The following HTRA3 variants were observed in gnomAD, a reference collection of about 807,000 sequenced individuals.
The protein encoded by HTRA3 is serine protease HTRA3.
HTRA3 carries 41 observed loss-of-function variants against 43.2 expected under a neutral mutation model. That is an observed-to-expected ratio of 0.95 (90% confidence interval 0.74 to 1.23). HTRA3 has a LOEUF of 1.23. Ranked by LOEUF, HTRA3 falls within the 50% of genes most tolerant of loss-of-function variation. The probability of loss-of-function intolerance (pLI) is 0.00; values close to 1 mark genes in which losing one functional copy is unlikely to be tolerated. For missense variants in HTRA3, 628 were observed against 647.1 expected (o/e 0.97, Z 0.32); for synonymous variants, 295 against 287.9 (o/e 1.02, Z -0.25).
intron 7 of HTRA3, 88 bp downstream of exon 7, chr4:8,302,599 C>A: frequency 7.4e-7 from 1 of 1,360,238 alleles, no homozygotes; most frequent in Non-Finnish European, 1.1e-6. Context: ...TGGCTGTGTT[C>A]GGCTCCTTGC....
At chr4:8,292,427 T>C (rs1471729678) in intron 5 of HTRA3, 74 bp downstream of exon 5, 3 of 1,255,890 alleles carry the variant, frequency 2.4e-6, no homozygotes, top group African/African-American at 3.0e-5. Flanking sequence ...AGCCTTGAGG[T>C]GGGACAGGGC....
chr4:8,290,487 G>A (rs1408993506), intron 3 of HTRA3, among the ~76,000 whole-genome samples: 1 of 152,222 alleles, frequency 6.6e-6, no homozygotes, highest in African/African-American at 2.4e-5. Flanking sequence ...GGAAGCTACA[G>A]GGTAGTGCCA....
chr4:8,294,725 T>C (rs1296249721), intron 6 of HTRA3, among the ~76,000 whole-genome samples: 2 of 59,884 alleles, frequency 3.3e-5, no homozygotes, highest in Non-Finnish European at 7.0e-5. Context: ...TTTCTACCCA[T>C]CTACCCATCC....
At chr4:8,274,912 A>G (rs1712457595) in intron 1 of HTRA3, among the ~76,000 whole-genome samples, 1 of 152,138 alleles carries the variant, frequency 6.6e-6, no homozygotes, top group Non-Finnish European at 1.5e-5. Context: ...TCCCGGTTGT[A>G]TTTATTGAAG....
intron 5 of HTRA3, 73 bp downstream of exon 5, chr4:8,292,426 G>A: frequency 8.0e-7 from 1 of 1,255,682 alleles, no homozygotes; most frequent in Non-Finnish European, 1.2e-6. Context: ...CAGCCTTGAG[G>A]TGGGACAGGG....
chr4:8,273,528 C>A (rs1249388168), intron 1 of HTRA3, among the ~76,000 whole-genome samples: 1 of 151,934 alleles, frequency 6.6e-6, no homozygotes, highest in African/African-American at 2.4e-5. Flanking sequence ...ACCCTCCCCC[C>A]CGCACCCCCG....
At chr4:8,274,111 G>A (rs1712420460) in intron 1 of HTRA3, among the ~76,000 whole-genome samples, 1 of 152,208 alleles carries the variant, frequency 6.6e-6, no homozygotes, top group South Asian at 2.1e-4. Flanking sequence ...GACTCACAGG[G>A]CCCTGTGCCT....
intron 1 of HTRA3, among the ~76,000 whole-genome samples, chr4:8,275,439 C>T (rs1481659496): frequency 1.3e-5 from 2 of 152,340 alleles, no homozygotes; most frequent in Admixed American, 6.5e-5. Flanking sequence ...GCCCACATCA[C>T]CACAGCCGCA....
chr4:8,281,779 G>C (rs1263301140), intron 1 of HTRA3, among the ~76,000 whole-genome samples: 1 of 152,226 alleles, frequency 6.6e-6, no homozygotes, highest in Non-Finnish European at 1.5e-5. Flanking sequence ...TCTGAGCCCG[G>C]GAAGGGTCCA....
At chr4:8,303,674 G>C (rs1439825164) in intron 7 of HTRA3, among the ~76,000 whole-genome samples, 3 of 152,112 alleles carry the variant, frequency 2.0e-5, no homozygotes, top group African/African-American at 7.2e-5. Context: ...TTTGTTTTCT[G>C]TCTCTTTTAT....
intron 6 of HTRA3, among the ~76,000 whole-genome samples, chr4:8,300,761 C>A (rs1462087099): frequency 6.6e-6 from 1 of 152,092 alleles, no homozygotes; most frequent in Non-Finnish European, 1.5e-5. Flanking sequence ...TCACACTCAT[C>A]TTTATTATGG....
At position 8,286,744 on chromosome 4, in the gene HTRA3, CAAG is replaced by C; in HGVS notation, c.673_675del (p.Lys225del). On this transcript the variant is annotated inframe_deletion, in exon 3 of 9. Coordinates refer to ENST00000307358, the MANE Select transcript of HTRA3 (RefSeq NM_053044.5). The surrounding 1 kb of genome is among the most constrained non-coding windows in gnomAD (Gnocchi z 4.9). ...ATGAGGCCACCATCAAAGACATCGA[CAAG>C]AAGTCGGACATTGCCACCATCAAGA... 6.2e-7 allele frequency: 1 copy of C among 1,614,104 alleles called. No individual in the cohort carries two copies. The highest frequency in any genetic ancestry group is 8.5e-7 in the Non-Finnish European group (1 of 1,179,996).
chr4:8,282,678 A>T (rs999309487), intron 2 of HTRA3, 142 bp downstream of exon 2: 2 of 662,626 alleles, frequency 3.0e-6, no homozygotes, highest in African/African-American at 3.6e-5. Flanking sequence ...CCTCAGTCAC[A>T]TCTGCTGGCT....
At chr4:8,271,925 T>C (rs1034235642) in intron 1 of HTRA3, among the ~76,000 whole-genome samples, 6 of 152,222 alleles carry the variant, frequency 3.9e-5, no homozygotes, top group African/African-American at 1.4e-4. Context: ...GTGTTGAGAC[T>C]GCCCAGGAGG....
In HTRA3 at chr4:8,270,055, C is replaced by A. The variant is rs1712184232; in HGVS notation, c.87C>A (p.Cys29Ter). The A allele has an allele frequency of 2.0e-6, 3 of 1,470,804 alleles. No individual in the cohort carries two copies. The highest frequency in any genetic ancestry group is 2.9e-5 in the East Asian group (1 of 34,286). 91.1% of individuals were successfully genotyped at this position (1,470,804 alleles called of 1,614,324 possible). ...CTGCGGCGCCGTGTCCCGCGCGCTGCGACGTGTCGCGGTGTCCCAGCCCCC... is the reference window on the plus strand; with the variant it reads ...CTGCGGCGCCGTGTCCCGCGCGCTGAGACGTGTCGCGGTGTCCCAGCCCCC... ...EPPAAPCPAR[C>*]DVSRCPSPRC... The change falls in exon 1 of 9, where the codon TGC (cysteine) becomes TGA (stop). Residue 29 changes from cysteine (C) to a stop codon, truncating the protein, a stop_gained. Coordinates refer to ENST00000307358, the MANE Select transcript of HTRA3 (RefSeq NM_053044.5). LOFTEE classifies it high-confidence loss of function.
rs541709486 is a variant in HTRA3 at position 8,292,004 on chromosome 4, GC to G, written c.904-310del. 1.8e-3 allele frequency among the ~76,000 whole-genome samples: 274 copies of G among 152,222 alleles called. 1 individual carries two copies. The highest frequency in any genetic ancestry group is 6.3e-3 in the African/African-American group (262 of 41,540). On this transcript the variant is annotated intron_variant, in intron 4 of 8. Transcript: ENST00000307358. ...GCTGGAATCCGAGTCTTTGTAGAGG[GC>G]CCCCCCAGGCCAGCAGGATGGGAAG...
rs1712787440 is a variant in HTRA3 at position 8,282,450 on chromosome 4, G to A, written c.399G>A (p.Leu133=). Residue 133 remains leucine (L), a synonymous_variant, in exon 2 of 9, where the codon CTG becomes CTA. Coordinates refer to ENST00000307358, the MANE Select transcript of HTRA3 (RefSeq NM_053044.5). ...CCGCCAGCGCAGGTCTCCACCAGCT[G>A]AGCAGCCCGCGCTACAAGTTCAACT... ...KGACPLGLHQ[L]SSPRYKFNFI... 5 of 1,613,546 alleles carry A rather than the reference G, an allele frequency of 3.1e-6. No individual in the cohort carries two copies. The highest frequency in any genetic ancestry group is 1.3e-5 in the African/African-American group (1 of 75,044).
chr4:8,277,441 A>G (rs889864370), intron 1 of HTRA3, among the ~76,000 whole-genome samples: 2 of 149,512 alleles, frequency 1.3e-5, no homozygotes, highest in African/African-American at 2.4e-5. Context: ...TGCAGGCCAC[A>G]GGTACACTCC....
At chr4:8,294,031 G>T in intron 5 of HTRA3, 56 bp from the exon 6 acceptor site, 1 of 1,173,252 alleles carries the variant, frequency 8.5e-7, no homozygotes. Flanking sequence ...GTGCTTTGTG[G>T]GCAGGGGTTT....
Sources: allele counts gnomAD v4.1 joint callset (sites outside exome capture counted in the v4.1 genomes callset), GRCh38; gene constraint gnomAD v4.1.1; non-coding constraint Gnocchi (gnomAD v3.1); transcripts MANE v1.5; gene names NCBI Gene and HGNC (gene_info 2026-07-23, HGNC 2026-07-21).